The following GALNT1 variants were observed in gnomAD, a reference collection of about 807,000 sequenced individuals.
GALNT1 encodes polypeptide N-acetylgalactosaminyltransferase 1.
Under a neutral mutation model 65.7 loss-of-function variants are expected in GALNT1, and 17 were observed. The observed-to-expected ratio is 0.26, with a 90% CI of 0.18 to 0.39. The LOEUF (loss-of-function observed/expected upper bound fraction) is 0.39, where lower values mean the gene tolerates loss of function less well. Among genes scored for constraint, GALNT1 ranks in the 10% least tolerant of loss-of-function variants. GALNT1 has a pLI of 1.00. For missense variants in GALNT1, 460 were observed against 672.8 expected, an observed-to-expected ratio of 0.68 and a Z score of 3.50; for synonymous variants, 210 against 219.7, an observed-to-expected ratio of 0.96 and a Z score of 0.39.
chr18:35,654,644 G>T lies in GALNT1; in HGVS notation c.-19G>T. The T allele has an allele frequency of 7.6e-7, 1 of 1,314,668 alleles. No homozygotes were observed. The highest frequency in any genetic ancestry group is 9.8e-7 in the Non-Finnish European group (1 of 1,020,560). 81.4% of individuals were successfully genotyped at this position (1,314,668 alleles called of 1,614,324 possible). On this transcript the variant is annotated 5_prime_UTR_variant, in exon 2 of 12. Transcript: ENST00000269195. ...TTATATATATATATTTTTAAATTTT[G>T]CATTTGACTTAAAGTGCCATGAGAA...
At chr18:35,693,841 C>G (rs1332390792) in intron 9 of GALNT1, among the ~76,000 whole-genome samples, 2 of 151,984 alleles carry the variant, frequency 1.3e-5, no homozygotes, top group Non-Finnish European at 2.9e-5. Flanking sequence ...ATGAGGTCAC[C>G]TGAGGAGGAG....
intron 1 of GALNT1, among the ~76,000 whole-genome samples, chr18:35,609,533 G>A (rs2046690988): frequency 6.6e-6 from 1 of 152,158 alleles, no homozygotes; most frequent in African/African-American, 2.4e-5. Context: ...GGAATTGAAA[G>A]CACTGCTATG....
In GALNT1 at chr18:35,709,731, G is replaced by T; in HGVS notation, c.1641G>T (p.Gln547His). ...ACTGCAATGGAAGTCGGTCCCAGCA[G>T]TGGCTTCTTCGAAACGTCACCCTGC... ...IRDCNGSRSQ[Q>H]WLLRNVTLPE... The change falls in exon 12 of 12, where the codon CAG becomes CAT. Residue 547 changes from glutamine (Q) to histidine (H), a missense_variant. By Grantham distance (24) the Gln-to-His change is conservative (BLOSUM62 0). Transcript: ENST00000269195. 1.9e-6 allele frequency: 3 copies of T among 1,614,118 alleles called. No homozygotes were observed. The South Asian group carries it at 3.3e-5, about 18-fold the overall frequency.
At chr18:35,655,626 A>G (rs902994549) in intron 2 of GALNT1, among the ~76,000 whole-genome samples, 13 of 151,382 alleles carry the variant, frequency 8.6e-5, no homozygotes, top group African/African-American at 2.9e-4. Flanking sequence ...CAGTTCTACT[A>G]TTTTTAGAAA....
chr18:35,657,325 CT>C (rs2047405945), intron 2 of GALNT1, among the ~76,000 whole-genome samples: 1 of 152,154 alleles, frequency 6.6e-6, no homozygotes, highest in African/African-American at 2.4e-5. Context: ...AACTCCTGAC[CT>C]CAGGTGATCC....
rs113979827 is a variant in GALNT1 at position 35,605,933 on chromosome 18, G to A, written c.-104+24071G>A. ...TATAGCACTGTGAAAACTAGTCTTT[G>A]TATTAGCAGTTCTGGCGAAACAATT... On this transcript the variant is annotated intron_variant, in intron 1 of 11. Coordinates refer to ENST00000269195, the MANE Select transcript of GALNT1 (RefSeq NM_020474.4). Among the ~76,000 whole-genome samples, 973 of 152,282 alleles carry A rather than the reference G, an allele frequency of 6.4e-3. 19 individuals are homozygous for A. Among genetic ancestry groups the A allele is most frequent in the African/African-American group, 0.022 (923 of 41,568 alleles).
chr18:35,709,092 C>T (rs142857860), intron 11 of GALNT1, among the ~76,000 whole-genome samples: 1,634 of 152,242 alleles, frequency 0.011, 102 homozygotes, highest in Admixed American at 0.1. Context: ...TCCCAACATT[C>T]TTATGATTTT....
chr18:35,648,856 A>G (rs1475562716), intron 1 of GALNT1, among the ~76,000 whole-genome samples: 1 of 152,208 alleles, frequency 6.6e-6, no homozygotes, highest in Non-Finnish European at 1.5e-5. Context: ...GAATGTTTTC[A>G]TTGCCACAGA....
intron 2 of GALNT1, among the ~76,000 whole-genome samples, chr18:35,656,912 T>G (rs2047396623): frequency 6.6e-6 from 1 of 152,066 alleles, no homozygotes; most frequent in African/African-American, 2.4e-5. Flanking sequence ...GAAAAGCATT[T>G]AAGTAGTGGA....
At chr18:35,699,214 G>T (rs973640871) in intron 9 of GALNT1, among the ~76,000 whole-genome samples, 1 of 152,118 alleles carries the variant, frequency 6.6e-6, no homozygotes, top group African/African-American at 2.4e-5. Context: ...AATTCATAGG[G>T]ATGTATCATA....
At chr18:35,694,110 A>T (rs1398477212) in intron 9 of GALNT1, among the ~76,000 whole-genome samples, 2 of 152,194 alleles carry the variant, frequency 1.3e-5, no homozygotes. Flanking sequence ...TTGGCTAGGG[A>T]CATGTTATCA....
intron 1 of GALNT1, among the ~76,000 whole-genome samples, chr18:35,588,585 T>A (rs895655045): frequency 1.3e-5 from 2 of 152,190 alleles, no homozygotes; most frequent in African/African-American, 4.8e-5. Context: ...CAGTCTTTTG[T>A]TATGATTCCA....
chr18:35,692,470 T>C, intron 9 of GALNT1, 150 bp downstream of exon 9: 1 of 519,890 alleles, frequency 1.9e-6, no homozygotes. Context: ...TCTTACCACG[T>C]AAGTCTAAAC....
At chr18:35,652,104 C>A (rs1233297127) in intron 1 of GALNT1, among the ~76,000 whole-genome samples, 1 of 151,774 alleles carries the variant, frequency 6.6e-6, no homozygotes, top group Admixed American at 6.6e-5. Context: ...CACCAGATTT[C>A]TTCCTGGTAC....
chr18:35,699,933 A>G (rs894273319), intron 9 of GALNT1, among the ~76,000 whole-genome samples: 2 of 152,286 alleles, frequency 1.3e-5, no homozygotes, highest in South Asian at 2.1e-4. Flanking sequence ...TGGAATTACA[A>G]TTTTGAACAT....
chr18:35,649,342 G>A (rs1356763714), intron 1 of GALNT1, among the ~76,000 whole-genome samples: 2 of 152,084 alleles, frequency 1.3e-5, no homozygotes, highest in African/African-American at 2.4e-5. Flanking sequence ...AAAGTGTTTG[G>A]CTTTTTTGGT....
intron 1 of GALNT1, among the ~76,000 whole-genome samples, chr18:35,642,182 C>A (rs1363212163): frequency 6.6e-6 from 1 of 152,186 alleles, no homozygotes; most frequent in East Asian, 1.9e-4. Flanking sequence ...CAGGAATGGT[C>A]ATAGCAGTAT....
intron 4 of GALNT1, among the ~76,000 whole-genome samples, chr18:35,682,112 G>C (rs1386670119): frequency 6.6e-6 from 1 of 152,042 alleles, no homozygotes; most frequent in African/African-American, 2.4e-5. Flanking sequence ...AGATCCTTCT[G>C]ACCCTAAGAC....
intron 1 of GALNT1, among the ~76,000 whole-genome samples, chr18:35,612,253 T>C (rs2046726997): frequency 6.6e-6 from 1 of 152,144 alleles, no homozygotes; most frequent in African/African-American, 2.4e-5. Context: ...AAAACCTGTT[T>C]TAATGAGTTA....
Sources: allele counts gnomAD v4.1 joint callset (sites outside exome capture counted in the v4.1 genomes callset), GRCh38; gene constraint gnomAD v4.1.1; transcripts MANE v1.5; gene names NCBI Gene and HGNC (gene_info 2026-07-23, HGNC 2026-07-21).